The following CADM2 variants were observed in gnomAD, a reference collection of about 807,000 sequenced individuals.
The protein encoded by CADM2 is cell adhesion molecule 2.
Under a neutral mutation model 49.8 loss-of-function variants are expected in CADM2, and 12 were observed. The ratio of observed to expected loss-of-function variants is 0.24; its 90% CI spans 0.15 to 0.39. CADM2 has a LOEUF of 0.39. Among genes scored for constraint, CADM2 ranks in the 10% least tolerant of loss-of-function variants. The probability of loss-of-function intolerance (pLI) is 1.00; values close to 1 mark genes in which losing one functional copy is unlikely to be tolerated. For synonymous variants in CADM2, 214 were observed against 175.4 expected (o/e 1.22, Z -1.74); for missense variants, 378 against 492.3 (o/e 0.77, Z 2.20).
At chr3:85,336,107 A>G (rs961077284) in intron 1 of CADM2, among the ~76,000 whole-genome samples, 1 of 151,356 alleles carries the variant, frequency 6.6e-6, no homozygotes, top group Non-Finnish European at 1.5e-5. Flanking sequence ...ATAAGCTCTT[A>G]TCTTTGACGT....
chr3:86,006,866 C>T (rs905121102), intron 8 of CADM2, among the ~76,000 whole-genome samples: 1 of 151,822 alleles, frequency 6.6e-6, no homozygotes, highest in Non-Finnish European at 1.5e-5. Context: ...CATGGTGAAA[C>T]CCCATCTCTA....
At chr3:85,498,647 G>T (rs1478715724) in intron 1 of CADM2, among the ~76,000 whole-genome samples, 2 of 152,186 alleles carry the variant, frequency 1.3e-5, no homozygotes, top group Middle Eastern at 3.4e-3. Flanking sequence ...AATTAATACT[G>T]CATATAATTA....
chr3:85,593,564 C>A (rs998766949), intron 1 of CADM2, among the ~76,000 whole-genome samples: 1 of 151,794 alleles, frequency 6.6e-6, no homozygotes, highest in African/African-American at 2.4e-5. Context: ...TAGTGATCTG[C>A]AAATAGAAAT....
intron 6 of CADM2, among the ~76,000 whole-genome samples, chr3:85,915,684 G>A (rs1434290032): frequency 6.6e-6 from 1 of 152,092 alleles, no homozygotes; most frequent in African/African-American, 2.4e-5. Context: ...GGAAAGAAGA[G>A]CTCAGCCTTG....
At chr3:85,671,403 T>C (rs897685341) in intron 1 of CADM2, among the ~76,000 whole-genome samples, 2 of 152,186 alleles carry the variant, frequency 1.3e-5, no homozygotes, top group African/African-American at 4.8e-5. Context: ...AAACCTGTTT[T>C]CCAACAGTAT....
chr3:85,175,979 A>C (rs569735963), intron 1 of CADM2, among the ~76,000 whole-genome samples: 58 of 118,172 alleles, frequency 4.9e-4, no homozygotes, highest in African/African-American at 1.9e-3. Flanking sequence ...CCCAGGCTGG[A>C]GTGCAGTGGC....
At chr3:85,206,286 A>G (rs9309971) in intron 1 of CADM2, among the ~76,000 whole-genome samples, 61,941 of 150,168 alleles carry the variant, frequency 0.41, 14,609 homozygotes, top group Admixed American at 0.55. Flanking sequence ...AAAGCACAGA[A>G]TTTAGGTCTT....
chr3:85,258,267 G>A (rs1282769043), intron 1 of CADM2, among the ~76,000 whole-genome samples: 2 of 152,040 alleles, frequency 1.3e-5, no homozygotes, highest in East Asian at 3.9e-4. Flanking sequence ...GAAAGCTCTG[G>A]CAGATAATAA....
intron 1 of CADM2, among the ~76,000 whole-genome samples, chr3:85,718,889 TTATTATTATTATTA>T: frequency 1.5e-5 from 1 of 65,480 alleles, no homozygotes; most frequent in Middle Eastern, 7.7e-3. Flanking sequence ...TATTTTATTA[TTATTATTATTATTA>T]TTATTATTAT....
At chr3:85,297,820 C>T (rs978027419) in intron 1 of CADM2, among the ~76,000 whole-genome samples, 1 of 151,914 alleles carries the variant, frequency 6.6e-6, no homozygotes, top group Admixed American at 6.6e-5. Flanking sequence ...CGATTTTTCC[C>T]AAATGGAATA....
chr3:85,193,971 T>C (rs1483783321), intron 1 of CADM2, among the ~76,000 whole-genome samples: 1 of 152,064 alleles, frequency 6.6e-6, no homozygotes, highest in Non-Finnish European at 1.5e-5. Flanking sequence ...AATCAAATAA[T>C]TATGTCAAAA....
chr3:85,808,776 A>G (rs1430949905), intron 3 of CADM2, among the ~76,000 whole-genome samples: 8 of 152,238 alleles, frequency 5.3e-5, no homozygotes, highest in Non-Finnish European at 4.4e-5. Context: ...TTTATTAAAG[A>G]CATAGCTTTA....
chr3:85,820,469 G>A (rs1483053978), intron 3 of CADM2, among the ~76,000 whole-genome samples: 1 of 152,052 alleles, frequency 6.6e-6, no homozygotes, highest in African/African-American at 2.4e-5. Flanking sequence ...GAGAATAGAT[G>A]GAATGTTCTG....
At chr3:85,635,767 G>GA (rs965918134) in intron 1 of CADM2, among the ~76,000 whole-genome samples, 2 of 151,884 alleles carry the variant, frequency 1.3e-5, no homozygotes, top group African/African-American at 4.8e-5. Context: ...TTTAAATCTA[G>GA]AAAAAAACTC....
At chr3:86,063,578 A>G (rs1166004974) in intron 8 of CADM2, among the ~76,000 whole-genome samples, 1 of 152,232 alleles carries the variant, frequency 6.6e-6, no homozygotes. Flanking sequence ...CATCGGGGAT[A>G]CATAGCTTTT....
At chr3:85,925,255 C>G (rs2108512435) in intron 6 of CADM2, among the ~76,000 whole-genome samples, 1 of 152,178 alleles carries the variant, frequency 6.6e-6, no homozygotes, top group South Asian at 2.1e-4. Flanking sequence ...TTTATTAATA[C>G]TATATTCCGA....
chr3:86,048,360 A>T (rs1380704375), intron 8 of CADM2, among the ~76,000 whole-genome samples: 1 of 151,988 alleles, frequency 6.6e-6, no homozygotes, highest in Non-Finnish European at 1.5e-5. Flanking sequence ...AATTAAGTTT[A>T]TTACCAAAGA....
chr3:85,352,659 G>A (rs1325059846), intron 1 of CADM2, among the ~76,000 whole-genome samples: 3 of 152,068 alleles, frequency 2.0e-5, no homozygotes, highest in African/African-American at 4.8e-5. Flanking sequence ...GTATAAGGGT[G>A]AAATATCAAT....
rs182923414 is a variant in CADM2 at position 85,531,317 on chromosome 3, A to G, written c.62-195205A>G. Among the ~76,000 whole-genome samples the G allele has an allele frequency of 5.4e-3, 825 of 152,312 alleles. 2 individuals are homozygous for G. The highest frequency in any genetic ancestry group is 1.0e-2 in the Admixed American group (153 of 15,306). ...CTCTGAAAATGAGACCCAAGGAGAC[A>G]TAAAGACACTTATTTGGGTTGAGAT... On this transcript the variant is annotated intron_variant, in intron 1 of 9. Coordinates refer to ENST00000383699, the MANE Select transcript of CADM2 (RefSeq NM_001167675.2).
Sources: allele counts gnomAD v4.1 joint callset (sites outside exome capture counted in the v4.1 genomes callset), GRCh38; gene constraint gnomAD v4.1.1; transcripts MANE v1.5; gene names NCBI Gene and HGNC (gene_info 2026-07-23, HGNC 2026-07-21).